CEP95: variants seen among roughly 807,000 people sequenced by gnomAD.
CEP95 encodes centrosomal protein of 95 kDa.
Under a neutral mutation model 111.2 loss-of-function variants are expected in CEP95, and 98 were observed. That is an observed-to-expected ratio of 0.88 (90% CI 0.75 to 1.04). The LOEUF (loss-of-function observed/expected upper bound fraction) is 1.04. CEP95 is among the 50% of genes least tolerant of loss of function. The pLI is 0.00. For missense variants in CEP95, 1,027 were observed against 977.2 expected (o/e 1.05, Z -0.68); for synonymous variants, 323 against 327.1 (o/e 0.99, Z 0.14).
intron 2 of CEP95, among the ~76,000 whole-genome samples, chr17:64,509,670 G>A (rs1246981758): frequency 1.3e-5 from 2 of 152,152 alleles, no homozygotes; most frequent in African/African-American, 2.4e-5. Context: ...GGGCGATAGA[G>A]CGAGACCCTG....
intron 3 of CEP95, among the ~76,000 whole-genome samples, chr17:64,510,907 G>C (rs1288560432): frequency 6.6e-6 from 1 of 152,064 alleles, no homozygotes; most frequent in Non-Finnish European, 1.5e-5. Flanking sequence ...TCTAAGCATC[G>C]GCAGGTTTGA....
rs782005517 is a variant in CEP95, at chr17:64,527,281, G to C, written c.1306+17G>C. ...CAAGGCCAGGTACTTACCCCAGAGA[G>C]ACTGAGAAGGGGGACATCCATGTGA... On this transcript the variant is annotated intron_variant, in intron 11 of 19. Transcript: ENST00000556440. The C allele has an allele frequency of 6.3e-6, 10 of 1,583,892 alleles. No homozygotes were observed. The highest frequency in any genetic ancestry group is 7.7e-6 in the Non-Finnish European group (9 of 1,165,686).
intron 3 of CEP95, among the ~76,000 whole-genome samples, chr17:64,511,242 G>C (rs2038874836): frequency 6.6e-6 from 1 of 152,164 alleles, no homozygotes; most frequent in African/African-American, 2.4e-5. Flanking sequence ...GGTTTTGAGA[G>C]CAACCTGTCT....
At chr17:64,536,794 A>G (rs782444151) in intron 18 of CEP95, 46 bp downstream of exon 18, 2 of 1,558,464 alleles carry the variant, frequency 1.3e-6, no homozygotes, top group Non-Finnish European at 1.7e-6. Flanking sequence ...AGTCCTGACC[A>G]CTTGCCCTTG....
Position 64,522,799 on chromosome 17 carries a change from G to T in CEP95, c.813G>T (p.Glu271Asp), listed in dbSNP as rs1555678233. 1.9e-6 allele frequency: 3 copies of T among 1,613,764 alleles called. No individual in the cohort carries two copies. The highest frequency in any genetic ancestry group is 2.7e-5 in the African/African-American group (2 of 74,892). ...IPLHPPYHPS[E>D]PRAPCPIGKE... Reference sequence around the variant, plus strand: ...TACATCCACCCTACCACCCTTCAGAGCCTCGAGCACCCTGCCCCATAGGAA... The same window carrying T: ...TACATCCACCCTACCACCCTTCAGATCCTCGAGCACCCTGCCCCATAGGAA... The change falls in exon 8 of 20, where the codon GAG becomes GAT. Residue 271 changes from glutamate (E) to aspartate (D), a missense_variant. Physicochemically the swap from Glu to Asp is conservative, Grantham distance 45. Transcript: ENST00000556440.
intron 1 of CEP95, chr17:64,507,904 A>C: frequency 6.1e-6 from 6 of 985,430 alleles, no homozygotes; most frequent in Non-Finnish European, 4.8e-6. Flanking sequence ...AGAAACCGTT[A>C]AACTTTGCAA....
At chr17:64,517,591 T>G (rs1966969566) in intron 5 of CEP95, among the ~76,000 whole-genome samples, 1 of 151,990 alleles carries the variant, frequency 6.6e-6, no homozygotes, top group Non-Finnish European at 1.5e-5. Flanking sequence ...ACACTCATGG[T>G]GGAGTACAGT....
At chr17:64,508,002 A>G (rs1012933290) in intron 1 of CEP95, 16 of 985,114 alleles carry the variant, frequency 1.6e-5, no homozygotes, top group African/African-American at 3.5e-5. Context: ...TACTTCCCAT[A>G]TTTTCTTTCA....
intron 1 of CEP95, chr17:64,507,718 A>G (rs2144309530): frequency 1.0e-6 from 1 of 985,916 alleles, no homozygotes; most frequent in Non-Finnish European, 1.2e-6. Flanking sequence ...GCTGTGAGAA[A>G]TGGGCGTGGG....
At chr17:64,510,752 A>G (rs2038849038) in intron 3 of CEP95, among the ~76,000 whole-genome samples, 1 of 151,938 alleles carries the variant, frequency 6.6e-6, no homozygotes, top group South Asian at 2.1e-4. Flanking sequence ...GAGTTTCGCC[A>G]TTTGCCCAGG....
chr17:64,514,094 CT>C (rs781959140), intron 3 of CEP95, 153 bp from the exon 4 acceptor site: 20 of 428,158 alleles, frequency 4.7e-5, no homozygotes, highest in East Asian at 9.9e-5. Context: ...CACCTGTATT[CT>C]TTTTTTTATT....
chr17:64,512,490 T>G (rs1337572093), intron 3 of CEP95, among the ~76,000 whole-genome samples: 1 of 152,248 alleles, frequency 6.6e-6, no homozygotes, highest in Non-Finnish European at 1.5e-5. Flanking sequence ...ATTATGTGTA[T>G]TTCATTTATG....
At position 64,525,892 on chromosome 17, in the gene CEP95, C is replaced by T. The variant is rs781831333; in HGVS notation, c.1022+10C>T. ...CTCCCAAAGGAAAAAGGTAACATTA[C>T]TGCAGACTTCAGTGTTTACAGTCTG... On this transcript the variant is annotated intron_variant, in intron 9 of 19. Coordinates refer to ENST00000556440, the MANE Select transcript of CEP95 (RefSeq NM_138363.3). 58 of 1,538,356 alleles carry T rather than the reference C, an allele frequency of 3.8e-5. No individual in the cohort carries two copies. Among genetic ancestry groups the T allele is most frequent in the Non-Finnish European group, 5.0e-5 (57 of 1,142,830 alleles).
At chr17:64,521,317 A>G (rs112675531) in intron 6 of CEP95, 85 bp from the exon 7 acceptor site, 223 of 875,516 alleles carry the variant, frequency 2.5e-4, no homozygotes, top group Non-Finnish European at 3.7e-4. Flanking sequence ...TTGTTTCCTG[A>G]GTACAAAACT....
chr17:64,523,939 C>T (rs1275677889), intron 8 of CEP95, among the ~76,000 whole-genome samples: 2 of 152,104 alleles, frequency 1.3e-5, no homozygotes, highest in African/African-American at 2.4e-5. Context: ...GGTATGTACA[C>T]AGGGTAGATA....
At chr17:64,533,056 T>G in intron 15 of CEP95, 48 bp downstream of exon 15, 1 of 1,605,098 alleles carries the variant, frequency 6.2e-7, no homozygotes, top group South Asian at 1.1e-5. Flanking sequence ...GAGAAGAGCT[T>G]ATCCTTAAGA....
chr17:64,508,844 AT>A, intron 2 of CEP95, 124 bp downstream of exon 2: 1 of 255,584 alleles, frequency 3.9e-6, no homozygotes, highest in Non-Finnish European at 7.3e-6. Context: ...TTTTTTTAAT[AT>A]TGCATATTAA....
chr17:64,528,153 A>G (rs568125908), intron 11 of CEP95, among the ~76,000 whole-genome samples: 391 of 152,240 alleles, frequency 2.6e-3, no homozygotes, highest in Non-Finnish European at 4.9e-3. Context: ...AGATACTTCT[A>G]CTGTTTGATA....
At chr17:64,519,848 A>G (rs1274129852) in intron 6 of CEP95, among the ~76,000 whole-genome samples, 1 of 152,214 alleles carries the variant, frequency 6.6e-6, no homozygotes, top group Non-Finnish European at 1.5e-5. Flanking sequence ...CAGATTTCCA[A>G]CAGCCTATTG....
Sources: allele counts gnomAD v4.1 joint callset (sites outside exome capture counted in the v4.1 genomes callset), GRCh38; gene constraint gnomAD v4.1.1; transcripts MANE v1.5; gene names NCBI Gene and HGNC (gene_info 2026-07-23, HGNC 2026-07-21).